Variants in NLRP1 observed in about 807,000 individuals in gnomAD.
NLRP1 encodes NACHT, LRR and PYD domains-containing protein 1.
A neutral mutation model predicts 136.7 loss-of-function variants in NLRP1; 94 were observed. The ratio of observed to expected loss-of-function variants is 0.69; its 90% confidence interval spans 0.58 to 0.82. NLRP1 has a LOEUF of 0.82. Among genes scored for constraint, NLRP1 ranks in the 40% least tolerant of loss-of-function variants. NLRP1 has a pLI of 0.00. For synonymous variants in NLRP1, 690 were observed against 725.1 expected, an observed-to-expected ratio of 0.95 and a Z score of 0.78; for missense variants, 1,575 against 1,802.7, an observed-to-expected ratio of 0.87 and a Z score of 2.29.
intron 5 of NLRP1, among the ~76,000 whole-genome samples, chr17:5,552,283 T>A (rs1913472323): frequency 6.6e-6 from 1 of 152,160 alleles, no homozygotes. Context: ...TTTTTAAATT[T>A]CAGTGTATTT....
chr17:5,573,117 C>G (rs1210911112), intron 3 of NLRP1, among the ~76,000 whole-genome samples: 2 of 152,222 alleles, frequency 1.3e-5, no homozygotes, highest in Non-Finnish European at 2.9e-5. Flanking sequence ...TCACTCCCAC[C>G]CTAATACTGC....
chr17:5,568,883 C>A (rs1915592103), intron 3 of NLRP1, among the ~76,000 whole-genome samples: 1 of 152,150 alleles, frequency 6.6e-6, no homozygotes, highest in Non-Finnish European at 1.5e-5. Context: ...TCTTTCCTTA[C>A]TTTCTGCCAA....
intron 3 of NLRP1, among the ~76,000 whole-genome samples, chr17:5,566,744 A>G (rs1222395805): frequency 6.6e-6 from 1 of 152,112 alleles, no homozygotes; most frequent in Non-Finnish European, 1.5e-5. Flanking sequence ...GATACGTCCA[A>G]TGCTAAAAGT....
In NLRP1 at chr17:5,574,730, C is replaced by T. The variant is rs1176319234; in HGVS notation, c.652+7129G>A. 6.7e-5 allele frequency among the ~76,000 whole-genome samples: 10 copies of T among 150,206 alleles called. No homozygotes were observed. The East Asian group carries it at 7.9e-4, about 12-fold the overall frequency. ...AGGCTGGAGTGCAGTGGCATAACCT[C>T]GGCTCACTGCAAGCTCCGCCTCCCA... is the stretch of plus-strand genomic sequence containing the variant. On this transcript the variant is annotated intron_variant, in intron 3 of 16. Transcript: ENST00000572272.
intron 8 of NLRP1, among the ~76,000 whole-genome samples, chr17:5,535,174 C>G (rs1209150131): frequency 6.6e-6 from 1 of 151,874 alleles, no homozygotes. Flanking sequence ...GAGCCGAGAT[C>G]ATGCCATTGC....
At chr17:5,522,489 T>C (rs1909026498) in intron 12 of NLRP1, among the ~76,000 whole-genome samples, 1 of 152,232 alleles carries the variant, frequency 6.6e-6, no homozygotes. Flanking sequence ...GATCTTGGAC[T>C]TACCAGGCTC....
At chr17:5,523,277 C>A (rs778233077) in intron 12 of NLRP1, among the ~76,000 whole-genome samples, 12 of 151,978 alleles carry the variant, frequency 7.9e-5, no homozygotes, top group Non-Finnish European at 1.5e-4. Context: ...CAGAGTGAGA[C>A]CCTGTCTCAA....
chr17:5,574,690 C>G (rs1904828992), intron 3 of NLRP1, among the ~76,000 whole-genome samples: 3 of 141,292 alleles, frequency 2.1e-5, no homozygotes. Flanking sequence ...GAGATGGAGT[C>G]TCGCTCTGTC....
At position 5,583,563 on chromosome 17, in the gene NLRP1, G is replaced by T; in HGVS notation, c.271+124C>A. The T allele has an allele frequency of 9.5e-7, 1 of 1,052,758 alleles. No individual in the cohort carries two copies. Among genetic ancestry groups the T allele is most frequent in the Non-Finnish European group, 1.3e-6 (1 of 742,704 alleles). 65.2% of individuals were successfully genotyped at this position (1,052,758 alleles called of 1,614,324 possible). A position where few individuals can be genotyped will look rare whatever the true frequency, so the allele number is the denominator to read the frequency against. Reference sequence around the variant, plus strand: ...GCCTGGATCCCCCTTTGAGAGGGCAGTTCCATGTCACTGCTCAGAGGAAGG... The same window carrying T: ...GCCTGGATCCCCCTTTGAGAGGGCATTTCCATGTCACTGCTCAGAGGAAGG... On this transcript the variant is annotated intron_variant, in intron 1 of 16. Coordinates refer to ENST00000572272, the MANE Select transcript of NLRP1 (RefSeq NM_033004.4). The surrounding 1 kb of genome is among the most constrained non-coding windows in gnomAD (Gnocchi z 4.5).
At chr17:5,545,513 TAC>T (rs1160895790) in intron 5 of NLRP1, among the ~76,000 whole-genome samples, 1 of 108,450 alleles carries the variant, frequency 9.2e-6, no homozygotes, top group Admixed American at 8.6e-5. Flanking sequence ...CACACACACA[TAC>T]ACACACAGAC....
chr17:5,555,502 T>A (rs950264183), intron 4 of NLRP1, among the ~76,000 whole-genome samples: 1 of 152,050 alleles, frequency 6.6e-6, no homozygotes, highest in Admixed American at 6.6e-5. Context: ...TCCCAAACTC[T>A]CCTCTCTGGC....
chr17:5,580,386 A>G (rs1396821424), intron 3 of NLRP1, among the ~76,000 whole-genome samples: 1 of 152,184 alleles, frequency 6.6e-6, no homozygotes, highest in Non-Finnish European at 1.5e-5. Context: ...TACCTATATA[A>G]CAAACCTGCA....
In NLRP1 at chr17:5,514,397, A is replaced by C; in HGVS notation, c.*357T>G. 1 of 1,113,292 alleles carries C rather than the reference A, an allele frequency of 9.0e-7. No homozygotes were observed. Among genetic ancestry groups the C allele is most frequent in the Non-Finnish European group, 1.1e-6 (1 of 906,126 alleles). The allele number at this position is 1,113,292 out of a possible 1,614,324, so 69.0% of individuals were successfully genotyped here. A position where few individuals can be genotyped will look rare whatever the true frequency, so the allele number is the denominator to read the frequency against. On this transcript the variant is annotated 3_prime_UTR_variant, in exon 17 of 17. Transcript: ENST00000572272. ...CCCCAATTTTGGGGCTCACCCTGTG[A>C]CACAGCCAGAGGCAAATGGTTCCAT...
Position 5,559,450 on chromosome 17 carries a change from C to T in NLRP1, c.1246G>A (p.Gly416Arg). 5.0e-6 allele frequency: 8 copies of T among 1,614,214 alleles called. No homozygotes were observed. The highest frequency in any genetic ancestry group is 5.9e-6 in the Non-Finnish European group (7 of 1,180,030). The change falls in exon 4 of 17, where the codon GGA becomes AGA. Residue 416 changes from glycine to arginine, a missense_variant. Gly to Arg is a moderately radical substitution (Grantham distance 125). Transcript: ENST00000572272. ...GAACTCGGCTCCTGCAAGACCCATC[C>T]TGGCTCATCTACACCATCGAGGATG... is the stretch of plus-strand genomic sequence containing the variant. Reference protein sequence around the residue: ...LFILDGVDEPGWVLQEPSSEL... With the variant: ...LFILDGVDEPRWVLQEPSSEL...
intron 14 of NLRP1, among the ~76,000 whole-genome samples, chr17:5,519,293 C>T (rs1908573705): frequency 1.3e-5 from 2 of 152,078 alleles, no homozygotes; most frequent in Non-Finnish European, 2.9e-5. Flanking sequence ...TGAGCCACCA[C>T]ACCCGGCCCT....
intron 2 of NLRP1, 131 bp downstream of exon 2, chr17:5,582,539 C>T (rs568672561): frequency 9.4e-6 from 8 of 847,886 alleles, no homozygotes; most frequent in African/African-American, 8.5e-5. Context: ...ACAGCCCATC[C>T]TGGCTCCCCT....
intron 7 of NLRP1, among the ~76,000 whole-genome samples, chr17:5,538,647 G>A (rs1911414559): frequency 6.6e-6 from 1 of 152,092 alleles, no homozygotes; most frequent in African/African-American, 2.4e-5. Context: ...AGAAGCTTCA[G>A]TAGGGCAGGG....
chr17:5,520,331 A>T (rs1467850751), intron 14 of NLRP1, among the ~76,000 whole-genome samples: 3 of 152,100 alleles, frequency 2.0e-5, no homozygotes, highest in Admixed American at 2.0e-4. Context: ...TGGAGGCGTC[A>T]AGCTTGCTCC....
intron 8 of NLRP1, among the ~76,000 whole-genome samples, chr17:5,534,462 C>A (rs1910760314): frequency 1.3e-5 from 2 of 152,210 alleles, no homozygotes; most frequent in South Asian, 4.1e-4. Flanking sequence ...AGCCTCCATC[C>A]ACCCATGCAT....
Sources: allele counts gnomAD v4.1 joint callset (sites outside exome capture counted in the v4.1 genomes callset), GRCh38; gene constraint gnomAD v4.1.1; non-coding constraint Gnocchi (gnomAD v3.1); transcripts MANE v1.5; gene names NCBI Gene and HGNC (gene_info 2026-07-23, HGNC 2026-07-21).